TCF12: variants seen among roughly 807,000 people sequenced by gnomAD.
The protein encoded by TCF12 is transcription factor 12.
A neutral mutation model predicts 86.0 loss-of-function variants in TCF12; 45 were observed. The observed-to-expected ratio is 0.52, with a 90% CI of 0.41 to 0.67. TCF12 has a LOEUF of 0.67. TCF12 is among the 30% of genes least tolerant of loss of function. The pLI is 0.00. For missense variants in TCF12, 881 were observed against 859.9 expected (o/e 1.02, Z -0.31); for synonymous variants, 330 against 299.6 (o/e 1.10, Z -1.05).
chr15:57,276,763 A>T (rs1004719868), intron 19 of TCF12, among the ~76,000 whole-genome samples: 3 of 152,126 alleles, frequency 2.0e-5, no homozygotes, highest in African/African-American at 7.2e-5. Context: ...ATTTCTGAGG[A>T]AAATAATTTC....
At chr15:57,052,671 A>AT (rs2067721120) in intron 3 of TCF12, among the ~76,000 whole-genome samples, 1 of 151,636 alleles carries the variant, frequency 6.6e-6, no homozygotes, top group Non-Finnish European at 1.5e-5. Context: ...AAACAAAACT[A>AT]TATCTGCTAC....
At chr15:57,135,158 A>G (rs564866948) in intron 5 of TCF12, among the ~76,000 whole-genome samples, 4 of 152,224 alleles carry the variant, frequency 2.6e-5, no homozygotes, top group Admixed American at 6.5e-5. Flanking sequence ...CTGCAGCTTT[A>G]CTATAACTCA....
chr15:57,259,316 C>T (rs1178092753), intron 16 of TCF12, among the ~76,000 whole-genome samples: 2 of 152,066 alleles, frequency 1.3e-5, no homozygotes, highest in Non-Finnish European at 2.9e-5. Flanking sequence ...ATGTAAAGAT[C>T]CTTTAAGCAA....
intron 5 of TCF12, among the ~76,000 whole-genome samples, chr15:57,132,864 A>T (rs1393525084): frequency 6.6e-6 from 1 of 152,178 alleles, no homozygotes; most frequent in African/African-American, 2.4e-5. Context: ...GCCTATGTCT[A>T]ATTATAGCAA....
intron 6 of TCF12, among the ~76,000 whole-genome samples, chr15:57,175,909 T>C (rs1317745236): frequency 6.6e-6 from 1 of 152,168 alleles, no homozygotes; most frequent in African/African-American, 2.4e-5. Flanking sequence ...TGTGTTGAGC[T>C]GTTAATGGCG....
At chr15:56,948,090 A>C (rs2061089917) in intron 3 of TCF12, among the ~76,000 whole-genome samples, 1 of 151,994 alleles carries the variant, frequency 6.6e-6, no homozygotes, top group South Asian at 2.1e-4. Context: ...GATTTTGTGA[A>C]GTTTAAATGA....
At chr15:57,112,603 A>G (rs2050570213) in intron 5 of TCF12, among the ~76,000 whole-genome samples, 1 of 151,652 alleles carries the variant, frequency 6.6e-6, no homozygotes, top group Admixed American at 6.6e-5. Flanking sequence ...TTTTGTGGAA[A>G]AACAGTGGAC....
chr15:56,950,293 T>C (rs1206842675), intron 3 of TCF12, among the ~76,000 whole-genome samples: 2 of 152,272 alleles, frequency 1.3e-5, no homozygotes, highest in East Asian at 1.9e-4. Flanking sequence ...TGGCATGATA[T>C]CGGTTCACAG....
At chr15:57,259,873 T>A (rs2060510975) in intron 16 of TCF12, among the ~76,000 whole-genome samples, 1 of 152,168 alleles carries the variant, frequency 6.6e-6, no homozygotes, top group African/African-American at 2.4e-5. Flanking sequence ...AGGGAAGACA[T>A]GGGAGCCCAG....
intron 15 of TCF12, among the ~76,000 whole-genome samples, chr15:57,252,731 A>G (rs528091791): frequency 1.8e-4 from 27 of 152,214 alleles, no homozygotes; most frequent in African/African-American, 5.5e-4. Flanking sequence ...ATGTTTGTGT[A>G]TGGGGCATGT....
chr15:57,221,196 G>A (rs2058572688), intron 8 of TCF12, among the ~76,000 whole-genome samples: 2 of 152,146 alleles, frequency 1.3e-5, no homozygotes, highest in African/African-American at 2.4e-5. Context: ...ATTAAAAAGT[G>A]TATGTTCAAG....
chr15:56,990,990 C>T (rs2063430732), intron 3 of TCF12, among the ~76,000 whole-genome samples: 1 of 151,836 alleles, frequency 6.6e-6, no homozygotes, highest in African/African-American at 2.4e-5. Flanking sequence ...GAGATGGGGT[C>T]TCACCATGTT....
chr15:57,060,110 T>C (rs1163269029), intron 3 of TCF12, among the ~76,000 whole-genome samples: 2 of 152,210 alleles, frequency 1.3e-5, no homozygotes, highest in Non-Finnish European at 2.9e-5. Context: ...AACTTGAATT[T>C]TACCTTTCTA....
At chr15:57,213,719 G>A (rs1364715245) in intron 8 of TCF12, among the ~76,000 whole-genome samples, 6 of 152,098 alleles carry the variant, frequency 3.9e-5, no homozygotes, top group East Asian at 1.9e-4. Flanking sequence ...ACAAAAAAAC[G>A]GGTGGCACTT....
chr15:57,223,242 A>G (rs976960076), intron 8 of TCF12, among the ~76,000 whole-genome samples: 5 of 151,910 alleles, frequency 3.3e-5, no homozygotes, highest in African/African-American at 1.2e-4. Context: ...TGTCCCCCAA[A>G]AGCACATTTT....
At chr15:57,266,939 A>G (rs1218464498) in intron 18 of TCF12, among the ~76,000 whole-genome samples, 2 of 152,192 alleles carry the variant, frequency 1.3e-5, no homozygotes, top group Non-Finnish European at 2.9e-5. Context: ...TAAGGCAGGA[A>G]GATTGCTTGA....
intron 3 of TCF12, among the ~76,000 whole-genome samples, chr15:57,024,796 G>GTGT (rs2065721478): frequency 6.6e-6 from 1 of 152,292 alleles, no homozygotes; most frequent in Non-Finnish European, 1.5e-5. Context: ...ACATATAAAA[G>GTGT]AACCATGCAC....
intron 3 of TCF12, among the ~76,000 whole-genome samples, chr15:56,929,503 GT>G (rs1451726297): frequency 1.3e-5 from 2 of 151,688 alleles, no homozygotes; most frequent in Non-Finnish European, 2.9e-5. Flanking sequence ...TTTGTTCCAT[GT>G]TTAAAATGTG....
chr15:56,986,858 A>G (rs775143249), intron 3 of TCF12, among the ~76,000 whole-genome samples: 7 of 152,224 alleles, frequency 4.6e-5, no homozygotes, highest in Non-Finnish European at 1.0e-4. Context: ...AATTAGTTAC[A>G]TGTAATACAT....
Sources: allele counts gnomAD v4.1 joint callset (sites outside exome capture counted in the v4.1 genomes callset), GRCh38; gene constraint gnomAD v4.1.1; transcripts MANE v1.5; gene names NCBI Gene and HGNC (gene_info 2026-07-23, HGNC 2026-07-21).